PGAP2: variants seen among roughly 807,000 people sequenced by gnomAD.
The protein encoded by PGAP2 is post-GPI attachment to proteins 2, also known as acyltransferase PGAP2.
In PGAP2, 21 loss-of-function variants were observed where a neutral mutation model predicts 33.2. That is an observed-to-expected ratio of 0.63 (90% CI 0.45 to 0.91). The LOEUF (loss-of-function observed/expected upper bound fraction) is 0.91, where lower values mean the gene tolerates loss of function less well. PGAP2 is among the 40% of genes least tolerant of loss of function. The pLI is 0.00. For synonymous variants in PGAP2, 161 were observed against 172.9 expected (o/e 0.93, Z 0.54); for missense variants, 345 against 424.0 (o/e 0.81, Z 1.64).
intron 2 of PGAP2, among the ~76,000 whole-genome samples, chr11:3,816,594 G>A (rs1405190210): frequency 1.3e-5 from 2 of 152,150 alleles, no homozygotes; most frequent in East Asian, 3.9e-4. Flanking sequence ...CCCAAACCTT[G>A]GATTGGGTGA....
chr11:3,808,026 C>T (rs558115588), upstream of PGAP2: 6 of 1,376,408 alleles, frequency 4.4e-6, no homozygotes, highest in Admixed American at 6.1e-5. Flanking sequence ...TGAACAAAGG[C>T]GGGAACAGCT....
chr11:3,802,140 T>G (rs2134138935), intron 1 of PGAP2, among the ~76,000 whole-genome samples: 1 of 149,166 alleles, frequency 6.7e-6, no homozygotes, highest in African/African-American at 2.5e-5. Context: ...AGCAAATGAG[T>G]ACATTCAGTC....
In PGAP2 at chr11:3,824,285, C is replaced by T; in HGVS notation, c.617C>T (p.Ala206Val). 1.2e-6 allele frequency: 2 copies of T among 1,614,226 alleles called. No homozygotes were observed. Among genetic ancestry groups the T allele is most frequent in the Non-Finnish European group, 1.7e-6 (2 of 1,180,052 alleles). Residue 206 changes from alanine to valine, a missense_variant, in exon 5 of 7, where the codon GCT becomes GTT. Ala to Val is a moderately conservative substitution (Grantham distance 64). Coordinates refer to ENST00000278243, the MANE Select transcript of PGAP2 (RefSeq NM_014489.4). ...SSEDFTIHEN[A>V]FIVFIASSLG... ...TTCCCTCCAGCCATCCACGAAAATG[C>T]TTTCATTGTGTTCATTGCCTCATCC...
chr11:3,804,804 C>T (rs990595792), upstream of PGAP2, among the ~76,000 whole-genome samples: 1 of 152,118 alleles, frequency 6.6e-6, no homozygotes, highest in African/African-American at 2.4e-5. Flanking sequence ...TGGGTTCAAG[C>T]AATTCTCCTG....
At chr11:3,824,508 TGGG>T in intron 5 of PGAP2, 132 bp downstream of exon 5, 2 of 1,370,702 alleles carry the variant, frequency 1.5e-6, no homozygotes, top group South Asian at 2.5e-5. Flanking sequence ...GTGCTGGGGT[TGGG>T]GCTGGGGCTT....
intron 1 of PGAP2, among the ~76,000 whole-genome samples, chr11:3,799,541 C>T (rs1446857508): frequency 6.6e-6 from 1 of 152,138 alleles, no homozygotes; most frequent in East Asian, 1.9e-4. Context: ...TTTTAAAAAA[C>T]CTCCACCACT....
upstream of PGAP2, among the ~76,000 whole-genome samples, chr11:3,803,565 T>A (rs1317137811): frequency 6.6e-6 from 1 of 151,236 alleles, no homozygotes; most frequent in Admixed American, 6.6e-5. Context: ...GTAGCTGGGA[T>A]TACAGGCTTC....
chr11:3,802,527 C>CTATTCTGGCCA (rs1389037913), intron 1 of PGAP2, among the ~76,000 whole-genome samples: 1 of 152,232 alleles, frequency 6.6e-6, no homozygotes, highest in Non-Finnish European at 1.5e-5. Flanking sequence ...CAGCTCAACA[C>CTATTCTGGCCA]TATTCTGGCC....
intron 1 of PGAP2, among the ~76,000 whole-genome samples, chr11:3,800,582 T>C (rs2083289452): frequency 6.7e-6 from 1 of 149,056 alleles, no homozygotes; most frequent in Admixed American, 6.7e-5. Context: ...GAGGCCGAGG[T>C]GGGCGGATCA....
chr11:3,807,107 G>A (rs1034978096), upstream of PGAP2, among the ~76,000 whole-genome samples: 9 of 143,372 alleles, frequency 6.3e-5, no homozygotes, highest in African/African-American at 2.4e-4. Context: ...AAGCCAAGGC[G>A]GGGGCAGATC....
At chr11:3,823,054 T>TTTG (rs1316682518) in intron 3 of PGAP2, 11 of 565,088 alleles carry the variant, frequency 1.9e-5, no homozygotes, top group African/African-American at 1.7e-4. Flanking sequence ...TTTTTTTTTT[T>TTTG]GAGACAGAGT....
Position 3,808,645 on chromosome 11 carries a change from C to G in PGAP2, c.-17C>G. ...GTTCCGCCGGCACTCTCGCCACCAC[C>G]GCGTGGGTGAGTATGGGCATGGATG... On this transcript the variant is annotated 5_prime_UTR_variant, in exon 1 of 7. Transcript: ENST00000278243. 7.9e-7 allele frequency: 1 copy of G among 1,269,280 alleles called. No homozygotes were observed. Among genetic ancestry groups the G allele is most frequent in the East Asian group, 3.9e-5 (1 of 25,672 alleles). The allele number at this position is 1,269,280 out of a possible 1,614,324, so 78.6% of individuals were successfully genotyped here.
At chr11:3,817,841 C>T (rs1252617122) in intron 3 of PGAP2, 12 of 531,706 alleles carry the variant, frequency 2.3e-5, no homozygotes, top group African/African-American at 3.8e-5. Flanking sequence ...GAGTTCAGTT[C>T]GAGACCAGCC....
At chr11:3,814,277 G>C (rs905803096) in intron 2 of PGAP2, among the ~76,000 whole-genome samples, 1 of 152,032 alleles carries the variant, frequency 6.6e-6, no homozygotes, top group South Asian at 2.1e-4. Context: ...TTTTTATTTA[G>C]ATGTAGTCTC....
chr11:3,818,057 C>CAAAAAAA (rs879534196), intron 3 of PGAP2: 169 of 150,796 alleles, frequency 1.1e-3, no homozygotes, highest in East Asian at 2.7e-3. Context: ...AAAAACAAAA[C>CAAAAAAA]AAAATAAAAA....
upstream of PGAP2, chr11:3,797,738 C>T (rs2082758174): frequency 6.7e-6 from 9 of 1,337,052 alleles, no homozygotes; most frequent in Non-Finnish European, 9.1e-6. Context: ...TTCGGGGAGG[C>T]ACAGGGTAGG....
intron 1 of PGAP2, among the ~76,000 whole-genome samples, chr11:3,798,388 GGC>G: frequency 6.6e-6 from 1 of 152,158 alleles, no homozygotes; most frequent in Admixed American, 6.5e-5. Context: ...GGAGTGCATT[GGC>G]GCAATCTCGG....
Position 3,818,057 on chromosome 11 carries a change from C to CAAA in PGAP2, c.348+524_348+526dup, listed in dbSNP as rs879534196. The CAAA allele has an allele frequency of 3.4e-3, 516 of 150,712 alleles. 1 individual carries two copies. Among genetic ancestry groups the CAAA allele is most frequent in the South Asian group, 7.7e-3 (109 of 14,232 alleles). The allele number at this position is 150,712 out of a possible 1,614,324, so 9.3% of individuals were successfully genotyped here. A position where few individuals can be genotyped will look rare whatever the true frequency, so the allele number is the denominator to read the frequency against. On this transcript the variant is annotated intron_variant, in intron 3 of 6. Coordinates refer to ENST00000278243, the MANE Select transcript of PGAP2 (RefSeq NM_014489.4). Reference sequence around the variant, plus strand: ...GTAAAACCCTGTCTCAAAAACAAAACAAAATAAAAAAAAAAAAACAGCAGG... The same window carrying CAAA: ...GTAAAACCCTGTCTCAAAAACAAAACAAAAAAATAAAAAAAAAAAAACAGCAGG...
chr11:3,798,787 G>T (rs1239303113), intron 1 of PGAP2, among the ~76,000 whole-genome samples: 2 of 151,762 alleles, frequency 1.3e-5, no homozygotes, highest in Non-Finnish European at 2.9e-5. Flanking sequence ...GGGATTACAG[G>T]CACTCGCCGC....
Sources: allele counts gnomAD v4.1 joint callset (sites outside exome capture counted in the v4.1 genomes callset), GRCh38; gene constraint gnomAD v4.1.1; transcripts MANE v1.5; gene names NCBI Gene and HGNC (gene_info 2026-07-23, HGNC 2026-07-21).